DLGAP2: variants seen among roughly 807,000 people sequenced by gnomAD.
The protein encoded by DLGAP2 is DLG associated protein 2, also known as disks large-associated protein 2.
DLGAP2 carries 26 observed loss-of-function variants against 100.3 expected under a neutral mutation model. The ratio of observed to expected loss-of-function variants is 0.26; its 90% CI spans 0.19 to 0.36. The LOEUF is 0.36. DLGAP2 is among the 10% of genes least tolerant of loss of function. The pLI is 1.00. For missense variants in DLGAP2, 1,858 were observed against 1,453.2 expected (o/e 1.28, Z -4.53); for synonymous variants, 886 against 630.1 (o/e 1.41, Z -6.08).
intron 2 of DLGAP2, among the ~76,000 whole-genome samples, chr8:1,174,480 T>TTA (rs200130843): frequency 6.6e-6 from 1 of 150,822 alleles, no homozygotes; most frequent in Admixed American, 6.6e-5. Context: ...ACCATTACCA[T>TTA]CATCATCATC....
At chr8:1,548,458 G>GA (rs773138776) in intron 4 of DLGAP2, among the ~76,000 whole-genome samples, 168 bp from the exon 5 acceptor site, 1,612 of 41,558 alleles carry the variant, frequency 0.039, 190 homozygotes, top group African/African-American at 0.093. Context: ...GACTGTCTCA[G>GA]AAAAAAAAAA....
At chr8:951,356 T>C (rs1220355996) in intron 2 of DLGAP2, among the ~76,000 whole-genome samples, 1 of 152,226 alleles carries the variant, frequency 6.6e-6, no homozygotes, top group Non-Finnish European at 1.5e-5. Flanking sequence ...GTGATTCTCC[T>C]GCCTCAGCCT....
At chr8:1,098,062 A>G (rs966163338) in intron 2 of DLGAP2, among the ~76,000 whole-genome samples, 5 of 152,222 alleles carry the variant, frequency 3.3e-5, no homozygotes, top group Admixed American at 6.5e-5. Context: ...TCTGAAGAGA[A>G]AACTGCCGTG....
chr8:1,030,380 A>C (rs560482048), intron 2 of DLGAP2, among the ~76,000 whole-genome samples: 1 of 152,136 alleles, frequency 6.6e-6, no homozygotes, highest in African/African-American at 2.4e-5. Flanking sequence ...AGATTTCTTC[A>C]TCAAACATAC....
chr8:980,777 C>T (rs1384106139), intron 2 of DLGAP2, among the ~76,000 whole-genome samples: 1 of 152,042 alleles, frequency 6.6e-6, no homozygotes, highest in African/African-American at 2.4e-5. Context: ...GGGGGCTCGA[C>T]AGGTGGCAGC....
intron 2 of DLGAP2, among the ~76,000 whole-genome samples, chr8:961,189 G>A (rs1034339970): frequency 6.6e-6 from 1 of 152,194 alleles, no homozygotes; most frequent in Non-Finnish European, 1.5e-5. Context: ...TGTGGTCTGC[G>A]AAAGCTGGGG....
rs990977222 is a variant in DLGAP2 at position 1,703,749 on chromosome 8, C to T, written c.*2343C>T. ...TGATCCCTGCTTAAAAGAAAATGTTCACTGCATGTAGGTTGATTTCTTATG... is the reference window on the plus strand; with the variant it reads ...TGATCCCTGCTTAAAAGAAAATGTTTACTGCATGTAGGTTGATTTCTTATG... On this transcript the variant is annotated 3_prime_UTR_variant, in exon 15 of 15. Transcript: ENST00000637795. The T allele has an allele frequency of 1.1e-4, 17 of 152,394 alleles. No homozygotes were observed. Among genetic ancestry groups the T allele is most frequent in the Non-Finnish European group, 2.1e-4 (14 of 68,014 alleles). The allele number at this position is 152,394 out of a possible 1,614,324, so 9.4% of individuals were successfully genotyped here.
At chr8:1,488,334 G>C (rs1166325894) in intron 3 of DLGAP2, among the ~76,000 whole-genome samples, 1 of 152,168 alleles carries the variant, frequency 6.6e-6, no homozygotes, top group African/African-American at 2.4e-5. Flanking sequence ...GAGGCCACTG[G>C]AATCCACTCG....
At position 1,518,994 on chromosome 8, in the gene DLGAP2, C is replaced by T. The variant is rs563027310; in HGVS notation, c.172+17563C>T. On this transcript the variant is annotated intron_variant, in intron 4 of 14. Coordinates refer to ENST00000637795, the MANE Select transcript of DLGAP2 (RefSeq NM_001346810.2). ...ATCCCAGGCCCTCCCGACCGTGTGT[C>T]CTCCAGCTAATTCCGAAATTTTGAG... Among the ~76,000 whole-genome samples the T allele has an allele frequency of 5.3e-5, 8 of 152,268 alleles. No homozygotes were observed. In the South Asian group the frequency reaches 1.7e-3, roughly 32 times the overall value.
At chr8:802,562 G>T (rs1796192428) in intron 1 of DLGAP2, among the ~76,000 whole-genome samples, 1 of 152,170 alleles carries the variant, frequency 6.6e-6, no homozygotes, top group Non-Finnish European at 1.5e-5. Flanking sequence ...CCAGCTCTGT[G>T]CCAGGCGCTC....
chr8:1,098,846 C>T (rs1385386460), intron 2 of DLGAP2, among the ~76,000 whole-genome samples: 1 of 151,922 alleles, frequency 6.6e-6, no homozygotes, highest in Non-Finnish European at 1.5e-5. Flanking sequence ...CGCTGCGACG[C>T]ACACCAGGGT....
chr8:1,000,015 C>G (rs371374391), intron 2 of DLGAP2, among the ~76,000 whole-genome samples: 4 of 140,280 alleles, frequency 2.9e-5, no homozygotes, highest in Non-Finnish European at 4.7e-5. Context: ...CTAGAGCAGA[C>G]AGATCCGGGT....
At chr8:857,338 A>G (rs905661701) in intron 1 of DLGAP2, among the ~76,000 whole-genome samples, 1 of 152,178 alleles carries the variant, frequency 6.6e-6, no homozygotes, top group African/African-American at 2.4e-5. Flanking sequence ...TTGAAATTGG[A>G]CTTCATTAAA....
intron 2 of DLGAP2, among the ~76,000 whole-genome samples, chr8:1,131,111 C>G (rs571856433): frequency 6.6e-6 from 1 of 152,190 alleles, no homozygotes; most frequent in East Asian, 1.9e-4. Context: ...ATAAAATGCA[C>G]TCATTTTATA....
At chr8:829,923 T>C (rs1232390909) in intron 1 of DLGAP2, among the ~76,000 whole-genome samples, 2 of 152,244 alleles carry the variant, frequency 1.3e-5, no homozygotes, top group Non-Finnish European at 2.9e-5. Flanking sequence ...CAGTCTCTTG[T>C]TATTGACAAC....
chr8:1,621,824 A>T (rs949035378), intron 6 of DLGAP2: 2 of 152,228 alleles, frequency 1.3e-5, no homozygotes, highest in African/African-American at 4.8e-5. Flanking sequence ...CTCTGCAGTC[A>T]AGAGCCCAGA....
chr8:1,620,250 C>G (rs1358558211), intron 6 of DLGAP2: 2 of 152,268 alleles, frequency 1.3e-5, no homozygotes, highest in African/African-American at 4.8e-5. Flanking sequence ...CCATCTCATT[C>G]CACTTGATTT....
chr8:1,513,738 A>G (rs1461384957), intron 4 of DLGAP2, among the ~76,000 whole-genome samples: 1 of 152,214 alleles, frequency 6.6e-6, no homozygotes, highest in Non-Finnish European at 1.5e-5. Context: ...AAACAATTAT[A>G]GATGTGTAAG....
chr8:848,323 TCGTGCGGTGCGTGTTCCAGTATAGGAA>T (rs1797110253), intron 1 of DLGAP2, among the ~76,000 whole-genome samples: 3 of 151,480 alleles, frequency 2.0e-5, no homozygotes, highest in Admixed American at 6.6e-5. Context: ...CAGTATAGGA[TCGTGCGGTGCGTGTTCCAGTATAGGAA>T]CGTGCGGTGC....
Sources: gnomAD v4.1 joint callset for allele counts (sites outside exome capture counted in the v4.1 genomes callset) on GRCh38, gnomAD v4.1.1 for gene constraint, MANE v1.5 for transcripts, NCBI Gene and HGNC (gene_info 2026-07-23, HGNC 2026-07-21) for gene names.